PCDH11X: variants seen among roughly 807,000 people sequenced by gnomAD.
PCDH11X encodes protocadherin 11 X-linked, also known as protocadherin-11 X-linked.
PCDH11X carries 18 observed loss-of-function variants against 53.3 expected under a neutral mutation model. The ratio of observed to expected loss-of-function variants is 0.34; its 90% confidence interval spans 0.23 to 0.50. The LOEUF (loss-of-function observed/expected upper bound fraction) is 0.50. Ranked by LOEUF, PCDH11X falls within the 20% of genes least tolerant of loss-of-function variation. The probability of loss-of-function intolerance (pLI) is 0.98; values close to 1 mark genes in which losing one functional copy is unlikely to be tolerated. For synonymous variants in PCDH11X, 279 were observed against 393.3 expected (o/e 0.71, Z 3.44); for missense variants, 570 against 1,032.4 (o/e 0.55, Z 6.14).
chrX:91,969,739 G>A (rs1328192041), intron 6 of PCDH11X, among the ~76,000 whole-genome samples: 5 of 107,014 alleles, frequency 4.7e-5, no homozygotes, highest in African/African-American at 6.8e-5. Flanking sequence ...TGAGGCTGCA[G>A]TGAGCAGTGA....
intron 5 of PCDH11X, among the ~76,000 whole-genome samples, chrX:91,837,409 T>A (rs1462909184): frequency 1.8e-5 from 2 of 111,581 alleles, no homozygotes; most frequent in Non-Finnish European, 3.8e-5. Context: ...TTTAGATGAT[T>A]TTTAAGTGAG....
At chrX:92,298,721 C>G (rs1240565698) in intron 8 of PCDH11X, among the ~76,000 whole-genome samples, 6 of 110,556 alleles carry the variant, frequency 5.4e-5, no homozygotes, top group Non-Finnish European at 1.1e-4. Context: ...TAGGAATGTT[C>G]CCAGACCAAA....
intron 10 of PCDH11X, among the ~76,000 whole-genome samples, chrX:92,546,279 T>C (rs1320103257): frequency 2.7e-5 from 3 of 110,970 alleles, no homozygotes; most frequent in East Asian, 5.6e-4. Flanking sequence ...AGAAAAATTA[T>C]TGGACAAATA....
intron 8 of PCDH11X, among the ~76,000 whole-genome samples, chrX:92,290,199 G>A (rs1415012809): frequency 9.0e-6 from 1 of 111,483 alleles, no homozygotes; most frequent in Non-Finnish European, 1.9e-5. Context: ...CCATTTGTAT[G>A]TATGTATATT....
At chrX:91,902,519 G>A (rs375442464) in intron 6 of PCDH11X, among the ~76,000 whole-genome samples, 2 of 102,782 alleles carry the variant, frequency 1.9e-5, no homozygotes, top group East Asian at 3.2e-4. Context: ...TTTTCTTAGA[G>A]TTATATCCTC....
chrX:91,835,929 C>T lies in PCDH11X; in HGVS notation c.425C>T (p.Thr142Ile). The part of the protein sequence containing the change: ...INDNAPLFPA[T>I]VINISIPENS... ...GATAATGCACCATTGTTCCCAGCAA[C>T]AGTTATCAACATATCAATTCCAGAG... Residue 142 changes from threonine (T) to isoleucine (I), a missense_variant, in exon 5 of 11, where the codon ACA becomes ATA. Transcript: ENST00000682573. 1.7e-6 allele frequency: 2 copies of T among 1,208,960 alleles called. No homozygotes were observed. The highest frequency in any genetic ancestry group is 2.2e-6 in the Non-Finnish European group (2 of 894,040).
At chrX:91,861,834 C>A (rs955469764) in intron 5 of PCDH11X, among the ~76,000 whole-genome samples, 1 of 111,854 alleles carries the variant, frequency 8.9e-6, no homozygotes, top group African/African-American at 3.3e-5. Flanking sequence ...CTTCCCTTGC[C>A]CTGTGCAACT....
chrX:92,610,989 A>G (rs2208235), intron 10 of PCDH11X, among the ~76,000 whole-genome samples: 34,715 of 110,126 alleles, frequency 0.32, 5,154 homozygotes, highest in African/African-American at 0.58. Context: ...TGCTCTTTTT[A>G]TTACTGTAGC....
At chrX:92,102,736 G>T (rs2148139232) in intron 6 of PCDH11X, among the ~76,000 whole-genome samples, 1 of 111,298 alleles carries the variant, frequency 9.0e-6, no homozygotes, top group African/African-American at 3.3e-5. Context: ...TTGAGATCTA[G>T]AACAGAATAA....
At chrX:92,248,150 T>C (rs1480285701) in intron 7 of PCDH11X, among the ~76,000 whole-genome samples, 3 of 111,393 alleles carry the variant, frequency 2.7e-5, no homozygotes, top group African/African-American at 9.8e-5. Context: ...TCAGGGAAAC[T>C]ATATGATAAT....
chrX:92,489,424 G>A (rs1273050724), intron 10 of PCDH11X, among the ~76,000 whole-genome samples: 4 of 110,546 alleles, frequency 3.6e-5, no homozygotes, highest in East Asian at 5.7e-4. Context: ...CTATAAACTC[G>A]GGCATATTTA....
At position 91,839,376 on chromosome X, in the gene PCDH11X, G is replaced by A. The variant is rs751589366; in HGVS notation, c.540+3332G>A. Among the ~76,000 whole-genome samples the A allele has an allele frequency of 1.6e-4, 17 of 107,610 alleles. No individual in the cohort carries two copies. In the South Asian group the frequency reaches 7.0e-3, roughly 45 times the overall value. 93.4% of individuals were successfully genotyped at this position (107,610 alleles called of 115,157 possible). On this transcript the variant is annotated intron_variant, in intron 5 of 10. Coordinates refer to ENST00000682573, the MANE Select transcript of PCDH11X (RefSeq NM_032968.5). ...CACCTGTAATCCCAGCACTTTGGGA[G>A]GCTGAGGCGGGTGGATTACTTGAGG...
chrX:92,064,776 C>T (rs956369447), intron 6 of PCDH11X, among the ~76,000 whole-genome samples: 4 of 108,235 alleles, frequency 3.7e-5, no homozygotes, highest in African/African-American at 1.4e-4. Context: ...TTAATGAGCT[C>T]GGGGCCAATA....
chrX:91,916,260 C>T (rs1376385403), intron 6 of PCDH11X, among the ~76,000 whole-genome samples: 1 of 110,404 alleles, frequency 9.1e-6, no homozygotes, highest in Admixed American at 9.7e-5. Flanking sequence ...AAGGTTGCAC[C>T]TCAAGGAACT....
At chrX:92,441,525 G>A (rs2072515266) in intron 9 of PCDH11X, among the ~76,000 whole-genome samples, 1 of 112,193 alleles carries the variant, frequency 8.9e-6, no homozygotes, top group Non-Finnish European at 1.9e-5. Context: ...GGTAGAGTTT[G>A]GGCCATGGCT....
At position 92,622,856 on chromosome X, in the gene PCDH11X, C is replaced by T. The variant is rs1033502857; in HGVS notation, c.*3916C>T. The T allele has an allele frequency of 4.5e-5, 5 of 110,265 alleles. No individual in the cohort carries two copies. Among genetic ancestry groups the T allele is most frequent in the African/African-American group, 1.6e-4 (5 of 30,331 alleles). 9.1% of individuals were successfully genotyped at this position (110,265 alleles called of 1,213,427 possible). A position where few individuals can be genotyped will look rare whatever the true frequency, so the allele number is the denominator to read the frequency against. ...ACAGCAGAAACAGTAACAAAAAAATCTGCTCAGAAAAATGTATGTGCACAA... is the reference window on the plus strand; with the variant it reads ...ACAGCAGAAACAGTAACAAAAAAATTTGCTCAGAAAAATGTATGTGCACAA... On this transcript the variant is annotated 3_prime_UTR_variant, in exon 11 of 11. Coordinates refer to ENST00000682573, the MANE Select transcript of PCDH11X (RefSeq NM_032968.5).
intron 6 of PCDH11X, among the ~76,000 whole-genome samples, chrX:92,143,688 G>T (rs1213048939): frequency 3.5e-5 from 4 of 112,680 alleles, no homozygotes. Context: ...CTCTGCTAAG[G>T]CAGTGAAGAA....
rs1329644647 is a variant in PCDH11X, at chrX:92,131,573, T to C, written c.3034-69802T>C. ...AATTTATCTCCACACCAACTCAAAA[T>C]TACAAAGTTTTCCAGAGCTTATATA... On this transcript the variant is annotated intron_variant, in intron 6 of 10. Coordinates refer to ENST00000682573, the MANE Select transcript of PCDH11X (RefSeq NM_032968.5). Among the ~76,000 whole-genome samples the C allele has an allele frequency of 5.4e-5, 6 of 111,575 alleles. No homozygotes were observed. The Admixed American group carries it at 5.8e-4, about 11-fold the overall frequency.
intron 10 of PCDH11X, among the ~76,000 whole-genome samples, chrX:92,563,382 C>T (rs1921050737): frequency 9.3e-6 from 1 of 107,682 alleles, no homozygotes. Context: ...AGAAATCTTC[C>T]CCCATGGTTC....
Sources: allele counts gnomAD v4.1 joint callset (sites outside exome capture counted in the v4.1 genomes callset), GRCh38; gene constraint gnomAD v4.1.1; transcripts MANE v1.5; gene names NCBI Gene and HGNC (gene_info 2026-07-23, HGNC 2026-07-21).